SLIT1: variants seen among roughly 807,000 people sequenced by gnomAD.
The protein encoded by SLIT1 is slit homolog 1 protein.
A neutral mutation model predicts 186.1 loss-of-function variants in SLIT1; 66 were observed. The ratio of observed to expected loss-of-function variants is 0.35; its 90% confidence interval spans 0.29 to 0.44. The LOEUF (loss-of-function observed/expected upper bound fraction) is 0.44. Among genes scored for constraint, SLIT1 ranks in the 20% least tolerant of loss-of-function variants. SLIT1 has a pLI of 1.00. For missense variants in SLIT1, 1,638 were observed against 2,037.4 expected (o/e 0.80, Z 3.77); for synonymous variants, 761 against 833.8 (o/e 0.91, Z 1.50).
At chr10:97,154,636 C>G (rs544480436) in intron 4 of SLIT1, 1 of 152,420 alleles carries the variant, frequency 6.6e-6, no homozygotes, top group South Asian at 2.1e-4. Flanking sequence ...CTGGAAGTCC[C>G]TCTGTTGGCT....
chr10:97,173,651 G>A (rs1299368814), intron 1 of SLIT1, among the ~76,000 whole-genome samples: 2 of 152,164 alleles, frequency 1.3e-5, no homozygotes, highest in Non-Finnish European at 2.9e-5. Context: ...AAGCAGCGGT[G>A]AGGCAGAGGG....
At position 97,016,383 on chromosome 10, in the gene SLIT1, T is replaced by C. The variant is rs183641614; in HGVS notation, c.2969+2203A>G. Among the ~76,000 whole-genome samples the C allele has an allele frequency of 2.0e-4, 30 of 152,324 alleles. 1 individual carries two copies. The highest frequency in any genetic ancestry group is 6.5e-4 in the African/African-American group (27 of 41,580). ...ATGATAAAAGAGTGATTTAATGTCA[T>C]ATTTTTAAAGCTTAATTTATTTTTT... On this transcript the variant is annotated intron_variant, in intron 28 of 36. Coordinates refer to ENST00000266058, the MANE Select transcript of SLIT1 (RefSeq NM_003061.3).
At chr10:97,144,018 C>G (rs1202065895) in intron 4 of SLIT1, among the ~76,000 whole-genome samples, 1 of 151,976 alleles carries the variant, frequency 6.6e-6, no homozygotes, top group African/African-American at 2.4e-5. Context: ...GCCAACATGG[C>G]GAAACCCCGT....
chr10:97,056,821 G>A (rs1342088745), intron 12 of SLIT1, among the ~76,000 whole-genome samples: 2 of 152,236 alleles, frequency 1.3e-5, no homozygotes, highest in Admixed American at 1.3e-4. Flanking sequence ...CTGAGTTGGA[G>A]CATTTGTGTT....
intron 4 of SLIT1, among the ~76,000 whole-genome samples, chr10:97,100,767 A>G (rs1849343557): frequency 1.3e-5 from 2 of 152,248 alleles, no homozygotes; most frequent in African/African-American, 4.8e-5. Flanking sequence ...TCAGTGATAC[A>G]ATACTGCTCC....
Position 97,043,426 on chromosome 10 carries a change from G to A in SLIT1, c.1941C>T (p.Asn647=), listed in dbSNP as rs760035711. 2 of 1,614,012 alleles carry A rather than the reference G, an allele frequency of 1.2e-6. No homozygotes were observed. Among genetic ancestry groups the A allele is most frequent in the South Asian group, 2.2e-5 (2 of 91,066 alleles). ...CTCCTGGGGATACGGTGGTGATCTG[G>A]TTGTCGTAGAGCGAGAGGAGCCGGA... ...RNVRLLSLYD[N]QITTVSPGAF... is the part of the protein sequence containing the mutation. Residue 647 remains asparagine (N), a synonymous_variant, in exon 19 of 37, where the codon AAC becomes AAT. Coordinates refer to ENST00000266058, the MANE Select transcript of SLIT1 (RefSeq NM_003061.3). The surrounding 1 kb of genome is among the most constrained non-coding windows in gnomAD (Gnocchi z 7.0).
intron 4 of SLIT1, among the ~76,000 whole-genome samples, chr10:97,109,198 G>GA (rs796621901): frequency 2.2e-3 from 246 of 112,046 alleles, no homozygotes; most frequent in Middle Eastern, 4.7e-3. Flanking sequence ...AAAAGCAAAA[G>GA]AAAAAAAAAA....
intron 4 of SLIT1, among the ~76,000 whole-genome samples, chr10:97,150,407 G>A (rs1022887825): frequency 2.6e-5 from 4 of 152,194 alleles, no homozygotes; most frequent in African/African-American, 9.7e-5. Flanking sequence ...AGTGCTGACA[G>A]TTTAATTAAA....
intron 4 of SLIT1, among the ~76,000 whole-genome samples, chr10:97,106,659 T>G (rs1849418664): frequency 6.8e-6 from 1 of 147,672 alleles, no homozygotes; most frequent in African/African-American, 2.5e-5. Context: ...TTTTTTAAAC[T>G]TGCCCAGTTA....
At chr10:97,150,521 T>C (rs1849865393) in intron 4 of SLIT1, among the ~76,000 whole-genome samples, 1 of 152,056 alleles carries the variant, frequency 6.6e-6, no homozygotes, top group African/African-American at 2.4e-5. Flanking sequence ...TAATGAGTTA[T>C]GGTGGTCCTT....
chr10:97,018,325 G>A (rs1306429087), intron 28 of SLIT1, among the ~76,000 whole-genome samples: 1 of 152,218 alleles, frequency 6.6e-6, no homozygotes, highest in African/African-American at 2.4e-5. Context: ...GCTCAACCCT[G>A]GAGCTGGGGA....
chr10:97,133,320 G>C (rs1429030269), intron 4 of SLIT1, among the ~76,000 whole-genome samples: 1 of 152,252 alleles, frequency 6.6e-6, no homozygotes, highest in East Asian at 1.9e-4. Context: ...GGGAGGCCAA[G>C]GTGGGAAGAT....
rs770424125 is a variant in SLIT1 at position 97,047,030 on chromosome 10, G to C, written c.1670C>G (p.Ala557Gly). Residue 557 changes from alanine (A) to glycine (G), a missense_variant, in exon 17 of 37, where the codon GCC becomes GGC. By Grantham distance (60) the Ala-to-Gly change is moderately conservative. Around this residue, in one of 3 missense-constraint regions of SLIT1, gnomAD observed 1,245 missense variants for 1,535.3 expected, o/e 0.81. Transcript: ENST00000266058. ...LNNNEISILE[A>G]TGMFKKLTHL... ...TGTAAGTTTTTTAAACATCCCAGTG[G>C]CCTCCAGGATGGAAATCTCATTGTT... 1 of 1,612,586 alleles carries C rather than the reference G, an allele frequency of 6.2e-7. No individual in the cohort carries two copies. Among genetic ancestry groups the C allele is most frequent in the South Asian group, 1.1e-5 (1 of 91,044 alleles).
intron 1 of SLIT1, among the ~76,000 whole-genome samples, chr10:97,172,678 G>C (rs919642155): frequency 6.6e-6 from 1 of 152,176 alleles, no homozygotes; most frequent in Admixed American, 6.5e-5. Flanking sequence ...TGCTTTGGGA[G>C]GCCAAGTGGG....
At chr10:97,120,492 A>C (rs573702220) in intron 4 of SLIT1, among the ~76,000 whole-genome samples, 1 of 152,366 alleles carries the variant, frequency 6.6e-6, no homozygotes, top group South Asian at 2.1e-4. Context: ...GGCAGGCTCA[A>C]GGACTTGTGT....
chr10:97,090,954 C>T (rs927926370), intron 4 of SLIT1, among the ~76,000 whole-genome samples: 1 of 152,224 alleles, frequency 6.6e-6, no homozygotes, highest in African/African-American at 2.4e-5. Flanking sequence ...AGCACATCTG[C>T]CCCTGCCTCA....
intron 4 of SLIT1, among the ~76,000 whole-genome samples, chr10:97,148,853 G>C (rs902714453): frequency 6.6e-6 from 1 of 152,118 alleles, no homozygotes; most frequent in African/African-American, 2.4e-5. Context: ...TTATTCACAA[G>C]AGCCCGTTCC....
At chr10:97,084,163 T>G (rs1482996380) in intron 4 of SLIT1, among the ~76,000 whole-genome samples, 1 of 152,180 alleles carries the variant, frequency 6.6e-6, no homozygotes, top group Non-Finnish European at 1.5e-5. Flanking sequence ...TCAGAAACTG[T>G]TCAGGGCTCA....
intron 35 of SLIT1, 144 bp from the exon 36 acceptor site, chr10:97,002,513 G>T: frequency 1.3e-6 from 1 of 751,132 alleles, no homozygotes; most frequent in African/African-American, 1.8e-5. Flanking sequence ...AACAAAGGGA[G>T]TTGCATGCGA....
Sources: allele counts gnomAD v4.1 joint callset (sites outside exome capture counted in the v4.1 genomes callset), GRCh38; gene constraint gnomAD v4.1.1; regional missense constraint gnomAD v4.1.1; non-coding constraint Gnocchi (gnomAD v3.1); transcripts MANE v1.5; gene names NCBI Gene and HGNC (gene_info 2026-07-23, HGNC 2026-07-21).